PCDHA12: variants seen among roughly 807,000 people sequenced by gnomAD.
The protein encoded by PCDHA12 is protocadherin alpha-12.
Under a neutral mutation model 60.0 loss-of-function variants are expected in PCDHA12, and 44 were observed. The ratio of observed to expected loss-of-function variants is 0.73; its 90% CI spans 0.58 to 0.94. The LOEUF (loss-of-function observed/expected upper bound fraction) is 0.94, where lower values mean the gene tolerates loss of function less well. Ranked by LOEUF, PCDHA12 falls within the 40% of genes least tolerant of loss-of-function variation. The pLI is 0.00. For synonymous variants in PCDHA12, 569 were observed against 553.0 expected, an observed-to-expected ratio of 1.03 and a Z score of -0.40; for missense variants, 1,276 against 1,239.7, an observed-to-expected ratio of 1.03 and a Z score of -0.44.
intron 1 of PCDHA12, among the ~76,000 whole-genome samples, chr5:140,955,342 C>T (rs981239160): frequency 1.3e-5 from 2 of 152,130 alleles, no homozygotes; most frequent in Admixed American, 6.6e-5. Context: ...ATAATCCCCA[C>T]ATGTTGTGAG....
At chr5:140,976,470 G>A (rs1388811059) in intron 1 of PCDHA12, among the ~76,000 whole-genome samples, 3 of 152,116 alleles carry the variant, frequency 2.0e-5, no homozygotes, top group Non-Finnish European at 4.4e-5. Context: ...AGAATTGCTT[G>A]AATCCGGGAG....
At chr5:140,878,725 A>G (rs1230048195) in intron 1 of PCDHA12, among the ~76,000 whole-genome samples, 1 of 152,252 alleles carries the variant, frequency 6.6e-6, no homozygotes, top group African/African-American at 2.4e-5. Flanking sequence ...TAAAATTTCC[A>G]GCCTTATATC....
At chr5:141,004,213 GGTCA>G (rs3842022) in intron 3 of PCDHA12, among the ~76,000 whole-genome samples, 2 of 152,208 alleles carry the variant, frequency 1.3e-5, no homozygotes, top group East Asian at 3.8e-4. Context: ...CAGATTAGGA[GGTCA>G]GTCAGTGTTT....
At chr5:140,916,967 G>T (rs1215722713) in intron 1 of PCDHA12, among the ~76,000 whole-genome samples, 1 of 152,194 alleles carries the variant, frequency 6.6e-6, no homozygotes, top group African/African-American at 2.4e-5. Flanking sequence ...TGACTGCTGG[G>T]ATGAGTGATT....
intron 1 of PCDHA12, among the ~76,000 whole-genome samples, chr5:140,886,842 A>AAG (rs2061180057): frequency 6.6e-6 from 1 of 151,638 alleles, no homozygotes; most frequent in African/African-American, 2.4e-5. Context: ...AAAAAAAAAA[A>AAG]AAAAAGAAAG....
chr5:140,883,171 A>G, intron 1 of PCDHA12: 7 of 1,614,008 alleles, frequency 4.3e-6, no homozygotes, highest in Non-Finnish European at 5.9e-6. Flanking sequence ...ACAATGGAGA[A>G]ATTAGGACAA....
chr5:140,966,971 C>T lies in PCDHA12; in HGVS notation c.2368-11978C>T, dbSNP rs375161984. On this transcript the variant is annotated intron_variant, in intron 1 of 3. Coordinates refer to ENST00000398631, the MANE Select transcript of PCDHA12 (RefSeq NM_018903.4). ...CGTGGCTCGCGCGCTGGGGCTTGAG[C>T]TGCGGCGCTTGGGGCCGGGTTGCTT... 13 of 1,602,690 alleles carry T rather than the reference C, an allele frequency of 8.1e-6. No homozygotes were observed. The African/African-American group carries it at 1.7e-4, about 21-fold the overall frequency.
At chr5:140,936,112 C>T (rs782017334) in intron 1 of PCDHA12, among the ~76,000 whole-genome samples, 2 of 152,008 alleles carry the variant, frequency 1.3e-5, no homozygotes, top group Non-Finnish European at 2.9e-5. Context: ...AGGCTGGTCT[C>T]GAACTCCTGA....
At position 141,011,492 on chromosome 5, in the gene PCDHA12, A is replaced by T. The variant is rs2098420803; in HGVS notation, c.*1555A>T. On this transcript the variant is annotated 3_prime_UTR_variant, in exon 4 of 4. Coordinates refer to ENST00000398631, the MANE Select transcript of PCDHA12 (RefSeq NM_018903.4). ...AATTCCATTATATTTCCTTTTGTAC[A>T]CCTGTGAAAAAGTGGAGTAGTGTTT... The T allele has an allele frequency of 1.3e-5, 2 of 153,698 alleles. No individual in the cohort carries two copies. The highest frequency in any genetic ancestry group is 2.9e-5 in the Non-Finnish European group (2 of 68,026). 9.5% of individuals were successfully genotyped at this position (153,698 alleles called of 1,614,324 possible).
intron 1 of PCDHA12, among the ~76,000 whole-genome samples, chr5:140,947,316 G>A (rs1325852826): frequency 2.6e-5 from 4 of 151,352 alleles, no homozygotes; most frequent in East Asian, 1.9e-4. Context: ...GTAAAAAGTC[G>A]GTTGACCATA....
chr5:140,968,008 C>T, intron 1 of PCDHA12: 1 of 1,614,202 alleles, frequency 6.2e-7, no homozygotes, highest in Non-Finnish European at 8.5e-7. Flanking sequence ...GACTGAATGG[C>T]TTTGGAAACT....
chr5:140,967,201 A>G (rs1554229306), intron 1 of PCDHA12: 7 of 1,613,620 alleles, frequency 4.3e-6, no homozygotes, highest in Non-Finnish European at 5.9e-6. Flanking sequence ...ACGACAACTC[A>G]CCGCGTTTCC....
Position 140,975,977 on chromosome 5 carries a change from TA to T in PCDHA12, c.2368-2971del, listed in dbSNP as rs781900191. ...GTTCTTCACCAATAGAAAGTAAGCATAGTCCTGGGAGGTACCATCTAAGTAT... is the reference window on the plus strand; with the variant it reads ...GTTCTTCACCAATAGAAAGTAAGCATGTCCTGGGAGGTACCATCTAAGTAT... On this transcript the variant is annotated intron_variant, in intron 1 of 3. Coordinates refer to ENST00000398631, the MANE Select transcript of PCDHA12 (RefSeq NM_018903.4). Among the ~76,000 whole-genome samples, 17 of 152,284 alleles carry T rather than the reference TA, an allele frequency of 1.1e-4. 1 individual carries two copies. The highest frequency in any genetic ancestry group is 1.8e-4 in the Non-Finnish European group (12 of 68,014).
chr5:140,999,786 G>A (rs1050666056), intron 3 of PCDHA12, among the ~76,000 whole-genome samples: 4 of 152,120 alleles, frequency 2.6e-5, no homozygotes, highest in African/African-American at 9.7e-5. Flanking sequence ...CCTAGAAATG[G>A]CAGAGTTATT....
intron 1 of PCDHA12, among the ~76,000 whole-genome samples, chr5:140,963,510 G>A (rs536524403): frequency 1.8e-4 from 28 of 152,328 alleles, no homozygotes; most frequent in Non-Finnish European, 2.8e-4. Flanking sequence ...TCTTGAAGGG[G>A]TTCTCATAAC....
chr5:140,877,037 C>T lies in PCDHA12; in HGVS notation c.1565C>T (p.Pro522Leu), dbSNP rs782624599. ...AGCGGCAAGGTGTACGCGCTGCAGC[C>T]GCTAGACCACGAGGAGCTGGAGCTG... ...AESGKVYALQPLDHEELELLQ... is the reference protein window; with the variant it reads ...AESGKVYALQLLDHEELELLQ... Residue 522 changes from proline to leucine, a missense_variant, in exon 1 of 4, where the codon CCG (proline) becomes CTG (leucine). Transcript: ENST00000398631. 6.8e-6 allele frequency: 11 copies of T among 1,612,374 alleles called. No individual in the cohort carries two copies. Among genetic ancestry groups the T allele is most frequent in the Admixed American group, 5.0e-5 (3 of 59,998 alleles).
At chr5:140,930,918 T>G (rs1554208161) in intron 1 of PCDHA12, among the ~76,000 whole-genome samples, 1 of 152,180 alleles carries the variant, frequency 6.6e-6, no homozygotes, top group East Asian at 1.9e-4. Context: ...ACTTTAGATG[T>G]GTATATGTGG....
Position 140,927,102 on chromosome 5 carries a change from A to G in PCDHA12, c.2367+49263A>G, listed in dbSNP as rs144696843. 1.4e-5 allele frequency: 23 copies of G among 1,613,520 alleles called. No individual in the cohort carries two copies. In the African/African-American group the frequency reaches 1.7e-4, roughly 12 times the overall value. ...GCGAGCTCTACTTCGGGGTGGATCTACCCAGCGGCAATTTGGTGGTCAGAG... is the reference window on the plus strand; with the variant it reads ...GCGAGCTCTACTTCGGGGTGGATCTGCCCAGCGGCAATTTGGTGGTCAGAG... On this transcript the variant is annotated intron_variant, in intron 1 of 3. Transcript: ENST00000398631.
chr5:140,898,808 C>T (rs1318586303), intron 1 of PCDHA12, among the ~76,000 whole-genome samples: 2 of 152,188 alleles, frequency 1.3e-5, no homozygotes, highest in Non-Finnish European at 2.9e-5. Context: ...GATACTGATT[C>T]TTCCTACCCA....
Sources: allele counts gnomAD v4.1 joint callset (sites outside exome capture counted in the v4.1 genomes callset), GRCh38; gene constraint gnomAD v4.1.1; transcripts MANE v1.5; gene names NCBI Gene and HGNC (gene_info 2026-07-23, HGNC 2026-07-21).